The following TACC2 variants were observed in gnomAD, a reference collection of about 807,000 sequenced individuals.
The protein encoded by TACC2 is transforming acidic coiled-coil containing protein 2.
In TACC2, 137 loss-of-function variants were observed where a neutral mutation model predicts 227.3. The observed-to-expected ratio is 0.60, with a 90% CI of 0.52 to 0.69. The LOEUF is 0.69. Ranked by LOEUF, TACC2 falls within the 30% of genes least tolerant of loss-of-function variation. The probability of loss-of-function intolerance (pLI) is 0.00; values close to 1 mark genes in which losing one functional copy is unlikely to be tolerated. For missense variants in TACC2, 3,470 were observed against 3,694.4 expected, an observed-to-expected ratio of 0.94 and a Z score of 1.57; for synonymous variants, 1,523 against 1,487.5, an observed-to-expected ratio of 1.02 and a Z score of -0.55.
intron 7 of TACC2, among the ~76,000 whole-genome samples, chr10:122,171,265 A>G (rs1444041929): frequency 6.6e-6 from 1 of 151,682 alleles, no homozygotes; most frequent in Admixed American, 6.6e-5. Flanking sequence ...CTTTCTCCTT[A>G]AATGGAAGTG....
At chr10:122,118,555 G>C (rs1443721342) in intron 5 of TACC2, among the ~76,000 whole-genome samples, 1 of 152,192 alleles carries the variant, frequency 6.6e-6, no homozygotes, top group African/African-American at 2.4e-5. Context: ...CTCCTCTCTT[G>C]AACTATAGGC....
intron 16 of TACC2, among the ~76,000 whole-genome samples, chr10:122,231,026 C>T (rs2095733769): frequency 6.6e-6 from 1 of 152,196 alleles, no homozygotes; most frequent in African/African-American, 2.4e-5. Context: ...CTGTCTGGCA[C>T]TGTTCCAATA....
At chr10:122,112,524 A>G (rs994379053) in intron 5 of TACC2, among the ~76,000 whole-genome samples, 5 of 152,192 alleles carry the variant, frequency 3.3e-5, no homozygotes, top group Non-Finnish European at 7.3e-5. Context: ...TGAAGAAAAA[A>G]GGGCCGGAAT....
chr10:122,249,714 G>A (rs753916459), intron 22 of TACC2, 50 bp downstream of exon 22: 1 of 1,573,876 alleles, frequency 6.4e-7, no homozygotes, highest in Non-Finnish European at 8.6e-7. Context: ...GCTGCTCTCT[G>A]TGCTGCTGGC....
intron 1 of TACC2, among the ~76,000 whole-genome samples, chr10:121,993,633 T>A (rs1389180642): frequency 6.6e-6 from 1 of 152,178 alleles, no homozygotes; most frequent in Non-Finnish European, 1.5e-5. Context: ...GTTTTTTGTT[T>A]GTTTGTTTTG....
At chr10:122,039,197 A>G (rs1280833892) in intron 2 of TACC2, among the ~76,000 whole-genome samples, 1 of 152,164 alleles carries the variant, frequency 6.6e-6, no homozygotes, top group East Asian at 1.9e-4. Flanking sequence ...CCTGGTCTCG[A>G]ACTCCTGACC....
intron 3 of TACC2, among the ~76,000 whole-genome samples, chr10:122,053,764 C>A (rs758636039): frequency 2.0e-5 from 3 of 152,166 alleles, no homozygotes; most frequent in Non-Finnish European, 4.4e-5. Flanking sequence ...CACTCTCAGG[C>A]GCATTGGCCT....
intron 19 of TACC2, among the ~76,000 whole-genome samples, chr10:122,243,307 C>T (rs149745225): frequency 4.6e-4 from 70 of 152,244 alleles, no homozygotes; most frequent in African/African-American, 1.4e-3. Context: ...CTGCAGACCA[C>T]GCTTTATGTG....
In TACC2 at chr10:122,101,896, A is replaced by C. The variant is rs568808060; in HGVS notation, c.5573+13305A>C. Among the ~76,000 whole-genome samples the C allele has an allele frequency of 1.1e-4, 16 of 151,712 alleles. No homozygotes were observed. The East Asian group carries it at 3.1e-3, about 30-fold the overall frequency. On this transcript the variant is annotated intron_variant, in intron 5 of 22. Transcript: ENST00000369005. ...CAACCCCATCCTTTTTTTAAAAAAA[A>C]GAAAAAAGAAAAAGGCAGAGTCTCA...
chr10:122,076,551 A>T (rs1378185484), intron 3 of TACC2, among the ~76,000 whole-genome samples: 1 of 152,202 alleles, frequency 6.6e-6, no homozygotes, highest in African/African-American at 2.4e-5. Context: ...CTTTTGAATT[A>T]TAGTAATTTA....
chr10:122,201,219 C>T (rs1436183873), intron 8 of TACC2, among the ~76,000 whole-genome samples: 2 of 147,458 alleles, frequency 1.4e-5, no homozygotes, highest in Non-Finnish European at 3.0e-5. Context: ...GGCCACCTCA[C>T]CCGCCCACAG....
intron 22 of TACC2, among the ~76,000 whole-genome samples, chr10:122,250,267 C>T (rs1048511176): frequency 1.1e-4 from 17 of 152,216 alleles, no homozygotes; most frequent in Non-Finnish European, 1.6e-4. Context: ...GTTGAGACTG[C>T]GTGTGTGTGA....
At chr10:122,177,125 C>T (rs905489745) in intron 7 of TACC2, among the ~76,000 whole-genome samples, 1 of 152,178 alleles carries the variant, frequency 6.6e-6, no homozygotes, top group South Asian at 2.1e-4. Flanking sequence ...CAGAGCCACT[C>T]CTGTGTCTGC....
intron 19 of TACC2, among the ~76,000 whole-genome samples, chr10:122,243,923 C>T (rs776275527): frequency 1.3e-5 from 2 of 152,142 alleles, no homozygotes; most frequent in African/African-American, 2.4e-5. Context: ...GCTCAGCTGG[C>T]GAAGTTGATA....
At chr10:122,207,530 G>A (rs1298669098) in intron 8 of TACC2, among the ~76,000 whole-genome samples, 1 of 152,224 alleles carries the variant, frequency 6.6e-6, no homozygotes, top group East Asian at 1.9e-4. Flanking sequence ...GGCATCCATT[G>A]TGTGGAGGCC....
chr10:122,029,158 C>A (rs933327628), intron 2 of TACC2, among the ~76,000 whole-genome samples: 1 of 151,250 alleles, frequency 6.6e-6, no homozygotes, highest in Admixed American at 6.6e-5. Context: ...AAGATATTAG[C>A]TGTAATTTTG....
chr10:122,076,216 G>C (rs1293950206), intron 3 of TACC2, among the ~76,000 whole-genome samples: 1 of 152,068 alleles, frequency 6.6e-6, no homozygotes, highest in Non-Finnish European at 1.5e-5. Flanking sequence ...GACATCACTG[G>C]TAAAAGAAAT....
chr10:122,174,265 C>T (rs2093608229), intron 7 of TACC2, among the ~76,000 whole-genome samples: 1 of 152,182 alleles, frequency 6.6e-6, no homozygotes, highest in African/African-American at 2.4e-5. Flanking sequence ...AGAGCCTGCC[C>T]AGATCAGCCT....
chr10:122,084,867 A>G lies in TACC2; in HGVS notation c.2367A>G (p.Ala789=). ...PHPPQGENLA[A]DLGLTALILD... The stretch of plus-strand genomic sequence containing the variant: ...CCCCCCAGGGGGAGAACTTGGCAGC[A>G]GACCTGGGGCTCACGGCACTCATCC... Residue 789 remains alanine (A), a synonymous_variant, in exon 4 of 23, where the codon GCA becomes GCG. Coordinates refer to ENST00000369005, the MANE Select transcript of TACC2 (RefSeq NM_206862.4). The G allele has an allele frequency of 4.3e-6, 7 of 1,614,004 alleles. No individual in the cohort carries two copies. The highest frequency in any genetic ancestry group is 5.9e-6 in the Non-Finnish European group (7 of 1,180,026).
Sources: allele counts gnomAD v4.1 joint callset (sites outside exome capture counted in the v4.1 genomes callset), GRCh38; gene constraint gnomAD v4.1.1; transcripts MANE v1.5; gene names NCBI Gene and HGNC (gene_info 2026-07-23, HGNC 2026-07-21).